The following PKNOX1 variants were observed in gnomAD, a reference collection of about 807,000 sequenced individuals.
The protein encoded by PKNOX1 is homeobox protein PKNOX1.
A neutral mutation model predicts 51.9 loss-of-function variants in PKNOX1; 15 were observed. The observed-to-expected ratio is 0.29, with a 90% CI of 0.19 to 0.45. The LOEUF (loss-of-function observed/expected upper bound fraction) is 0.45, where lower values mean the gene tolerates loss of function less well. PKNOX1 is among the 20% of genes least tolerant of loss of function. The pLI is 1.00. For synonymous variants in PKNOX1, 219 were observed against 211.1 expected (o/e 1.04, Z -0.32); for missense variants, 462 against 547.5 (o/e 0.84, Z 1.56).
intron 9 of PKNOX1, among the ~76,000 whole-genome samples, chr21:43,027,117 C>T (rs2146295657): frequency 6.6e-6 from 1 of 152,180 alleles, no homozygotes; most frequent in Middle Eastern, 3.4e-3. Context: ...CATGGCTACT[C>T]AGCTATCCAG....
chr21:42,985,987 C>T (rs1356918950), intron 1 of PKNOX1, among the ~76,000 whole-genome samples: 1 of 121,198 alleles, frequency 8.3e-6, no homozygotes. Context: ...GGCAACAGAG[C>T]GAGGCTCTGT....
intron 3 of PKNOX1, among the ~76,000 whole-genome samples, chr21:43,008,190 T>G (rs1451114630): frequency 6.6e-6 from 1 of 152,132 alleles, no homozygotes; most frequent in African/African-American, 2.4e-5. Context: ...GCACAGATGA[T>G]TTTACTGAGA....
At chr21:42,999,545 A>G (rs13050839) in intron 1 of PKNOX1, among the ~76,000 whole-genome samples, 5,331 of 152,116 alleles carry the variant, frequency 0.035, 131 homozygotes, top group Middle Eastern at 0.061. Flanking sequence ...TAGTGGCACA[A>G]TCTTGGTTCA....
At position 42,987,779 on chromosome 21, in the gene PKNOX1, T is replaced by G. The variant is rs139770027; in HGVS notation, c.-57+13115T>G. On this transcript the variant is annotated intron_variant, in intron 1 of 10. Coordinates refer to ENST00000291547, the MANE Select transcript of PKNOX1 (RefSeq NM_004571.5). ...GACTACAGGTGCCCACCACCACACC[T>G]GGCTAATTTTTTGTATTTTTAGTAG... Among the ~76,000 whole-genome samples, 960 of 151,412 alleles carry G rather than the reference T, an allele frequency of 6.3e-3. 11 individuals carry two copies. The highest frequency in any genetic ancestry group is 0.019 in the African/African-American group (803 of 41,274).
Position 43,007,475 on chromosome 21 carries a change from C to G in PKNOX1, c.52-16C>G. The G allele has an allele frequency of 6.2e-7, 1 of 1,612,562 alleles. No homozygotes were observed. Among genetic ancestry groups the G allele is most frequent in the Non-Finnish European group, 8.5e-7 (1 of 1,178,614 alleles). ...GTTTGTGTTTGCTAATAAGAATTAT[C>G]TTCCTCCTTTTACAGATGCAAGTAG... On this transcript the variant is annotated splice_polypyrimidine_tract_variant and intron_variant, in intron 2 of 10. Coordinates refer to ENST00000291547, the MANE Select transcript of PKNOX1 (RefSeq NM_004571.5).
At chr21:42,978,560 T>C (rs1336111680) in intron 1 of PKNOX1, among the ~76,000 whole-genome samples, 2 of 149,586 alleles carry the variant, frequency 1.3e-5, no homozygotes, top group African/African-American at 2.5e-5. Context: ...CTTGGCTCAC[T>C]GCAACCTCTG....
chr21:43,027,998 C>T lies in PKNOX1; in HGVS notation c.927-704C>T, dbSNP rs557631865. Among the ~76,000 whole-genome samples, 101 of 152,310 alleles carry T rather than the reference C, an allele frequency of 6.6e-4. 1 individual carries two copies. In the South Asian group the frequency reaches 0.017, roughly 26 times the overall value. ...GTTCTCTGTGGAGTCTTATCACAGGCGTGAGTGCCTGGTCTGACAGAGTCG... is the reference window on the plus strand; with the variant it reads ...GTTCTCTGTGGAGTCTTATCACAGGTGTGAGTGCCTGGTCTGACAGAGTCG... On this transcript the variant is annotated intron_variant, in intron 9 of 10. Transcript: ENST00000291547.
At chr21:43,018,632 G>T (rs1015426499) in intron 7 of PKNOX1, among the ~76,000 whole-genome samples, 2 of 151,874 alleles carry the variant, frequency 1.3e-5, no homozygotes, top group African/African-American at 4.8e-5. Context: ...GAACTGCCAG[G>T]CAAGCTTTTC....
intron 1 of PKNOX1, among the ~76,000 whole-genome samples, chr21:42,976,460 G>A (rs1306092511): frequency 1.3e-5 from 2 of 152,140 alleles, no homozygotes; most frequent in Admixed American, 6.6e-5. Flanking sequence ...CTCCTTTCAT[G>A]AAAGACTTCT....
intron 1 of PKNOX1, among the ~76,000 whole-genome samples, chr21:42,985,451 C>T (rs551552381): frequency 6.6e-6 from 1 of 152,238 alleles, no homozygotes; most frequent in East Asian, 1.9e-4. Flanking sequence ...TCTCTGACCT[C>T]AGCCTCCTGA....
chr21:42,982,269 G>T (rs1004855009), intron 1 of PKNOX1, among the ~76,000 whole-genome samples: 1 of 152,218 alleles, frequency 6.6e-6, no homozygotes, highest in Non-Finnish European at 1.5e-5. Flanking sequence ...TGCCAGTGGG[G>T]TTGGGTCACT....
chr21:42,977,122 G>C (rs572820686), intron 1 of PKNOX1, among the ~76,000 whole-genome samples: 34 of 152,190 alleles, frequency 2.2e-4, no homozygotes, highest in African/African-American at 7.7e-4. Context: ...CTCAACAGTG[G>C]GTTTAAAATA....
intron 1 of PKNOX1, among the ~76,000 whole-genome samples, chr21:42,994,918 C>CTTTTTTTTTTTTTTT (rs11361350): frequency 8.8e-5 from 10 of 113,596 alleles, no homozygotes; most frequent in Non-Finnish European, 1.0e-4. Context: ...TTTCTTTCTT[C>CTTTTTTTTTTTTTTT]TTTTTTTTTT....
intron 1 of PKNOX1, among the ~76,000 whole-genome samples, chr21:42,989,917 G>A (rs2059076936): frequency 6.6e-6 from 1 of 152,084 alleles, no homozygotes; most frequent in Non-Finnish European, 1.5e-5. Flanking sequence ...TGGGCAACAT[G>A]GCAAAACCCT....
intron 4 of PKNOX1, among the ~76,000 whole-genome samples, chr21:43,012,229 G>A (rs1979285583): frequency 6.6e-6 from 1 of 152,198 alleles, no homozygotes; most frequent in Non-Finnish European, 1.5e-5. Flanking sequence ...ATTGCTGTGG[G>A]ACAAATTACC....
intron 1 of PKNOX1, among the ~76,000 whole-genome samples, chr21:42,988,650 A>G (rs147618413): frequency 2.6e-4 from 40 of 152,206 alleles, no homozygotes; most frequent in Admixed American, 1.0e-3. Context: ...CGCTTTGCTG[A>G]GAGTCACTGT....
chr21:43,006,613 A>C (rs234777), intron 2 of PKNOX1, among the ~76,000 whole-genome samples: 3 of 152,142 alleles, frequency 2.0e-5, no homozygotes, highest in African/African-American at 7.2e-5. Flanking sequence ...GGAAGAGAGC[A>C]CAGGGCTGGA....
At chr21:43,015,405 AC>A (rs1979446684) in intron 5 of PKNOX1, among the ~76,000 whole-genome samples, 1 of 152,246 alleles carries the variant, frequency 6.6e-6, no homozygotes, top group South Asian at 2.1e-4. Context: ...TGAATATTGA[AC>A]AAGCCTTCTA....
At chr21:42,975,029 G>T (rs868696355) in intron 1 of PKNOX1, among the ~76,000 whole-genome samples, 2,085 of 116,586 alleles carry the variant, frequency 0.018, 52 homozygotes, top group African/African-American at 0.063. Context: ...CTTTCGGAGT[G>T]CGGCGCGCGC....
Sources: gnomAD v4.1 joint callset for allele counts (sites outside exome capture counted in the v4.1 genomes callset) on GRCh38, gnomAD v4.1.1 for gene constraint, MANE v1.5 for transcripts, NCBI Gene and HGNC (gene_info 2026-07-23, HGNC 2026-07-21) for gene names.